The following SNTB1 variants were observed in gnomAD, a reference collection of about 807,000 sequenced individuals.
SNTB1 encodes syntrophin beta 1, also known as beta-1-syntrophin.
Under a neutral mutation model 48.9 loss-of-function variants are expected in SNTB1, and 36 were observed. That is an observed-to-expected ratio of 0.74 (90% CI 0.56 to 0.97). The LOEUF is 0.97. Among genes scored for constraint, SNTB1 ranks in the 50% least tolerant of loss-of-function variants. The pLI, the probability that SNTB1 is intolerant of heterozygous loss-of-function variation, is 0.00. For synonymous variants in SNTB1, 299 were observed against 294.6 expected (o/e 1.01, Z -0.15); for missense variants, 786 against 703.4 (o/e 1.12, Z -1.33).
chr8:120,590,015 C>A (rs893507386), intron 3 of SNTB1, among the ~76,000 whole-genome samples: 3 of 152,176 alleles, frequency 2.0e-5, no homozygotes, highest in African/African-American at 7.2e-5. Flanking sequence ...CCTCCTCTAA[C>A]AATTCCAACA....
At chr8:120,808,361 A>G (rs1286307260) in intron 1 of SNTB1, among the ~76,000 whole-genome samples, 2 of 152,174 alleles carry the variant, frequency 1.3e-5, no homozygotes, top group African/African-American at 4.8e-5. Flanking sequence ...AATGTTAGCT[A>G]TTGTTATGAT....
At chr8:120,673,308 T>C (rs996286712) in intron 2 of SNTB1, among the ~76,000 whole-genome samples, 1 of 150,428 alleles carries the variant, frequency 6.6e-6, no homozygotes, top group African/African-American at 2.5e-5. Context: ...TTTTTTTTTT[T>C]GAGACCAAAT....
At chr8:120,800,143 C>G (rs1420564307) in intron 1 of SNTB1, among the ~76,000 whole-genome samples, 1 of 151,900 alleles carries the variant, frequency 6.6e-6, no homozygotes, top group East Asian at 1.9e-4. Flanking sequence ...CTTGGGGCAC[C>G]CTATGTACCC....
At chr8:120,708,785 G>C (rs181957626) in intron 1 of SNTB1, among the ~76,000 whole-genome samples, 182 of 152,218 alleles carry the variant, frequency 1.2e-3, no homozygotes, top group African/African-American at 4.3e-3. Flanking sequence ...AACAAAAGAA[G>C]CCCTTAGTAA....
chr8:120,584,701 C>T (rs2130699809), intron 3 of SNTB1, among the ~76,000 whole-genome samples: 1 of 152,166 alleles, frequency 6.6e-6, no homozygotes, highest in East Asian at 1.9e-4. Flanking sequence ...ACCCCAGTAC[C>T]TCAGAATGTG....
At chr8:120,794,235 T>C (rs1200469945) in intron 1 of SNTB1, among the ~76,000 whole-genome samples, 1 of 152,050 alleles carries the variant, frequency 6.6e-6, no homozygotes, top group African/African-American at 2.4e-5. Context: ...TCCAGTAACT[T>C]GGAATGGAGC....
At chr8:120,741,848 G>A (rs1196473654) in intron 1 of SNTB1, among the ~76,000 whole-genome samples, 1 of 152,200 alleles carries the variant, frequency 6.6e-6, no homozygotes, top group Non-Finnish European at 1.5e-5. Flanking sequence ...AGAAGAAGGA[G>A]AAATAGAGAA....
At chr8:120,713,081 G>T (rs6997888) in intron 1 of SNTB1, among the ~76,000 whole-genome samples, 2,493 of 152,204 alleles carry the variant, frequency 0.016, 73 homozygotes, top group African/African-American at 0.057. Flanking sequence ...AATTGTTTTA[G>T]AGTGGAAAAA....
chr8:120,668,673 T>C (rs1171654871), intron 2 of SNTB1, among the ~76,000 whole-genome samples: 2 of 152,318 alleles, frequency 1.3e-5, no homozygotes, highest in South Asian at 2.1e-4. Flanking sequence ...GGACCAATTA[T>C]AGGGTCTGTA....
At chr8:120,664,595 C>A (rs891077388) in intron 2 of SNTB1, among the ~76,000 whole-genome samples, 1 of 152,182 alleles carries the variant, frequency 6.6e-6, no homozygotes, top group Admixed American at 6.5e-5. Flanking sequence ...CATGTTGTAG[C>A]ATGTATCAAT....
At chr8:120,683,612 A>T (rs933437349) in intron 2 of SNTB1, among the ~76,000 whole-genome samples, 1 of 152,126 alleles carries the variant, frequency 6.6e-6, no homozygotes, top group Non-Finnish European at 1.5e-5. Context: ...GAATTTGACA[A>T]ATAAAAGATA....
intron 1 of SNTB1, among the ~76,000 whole-genome samples, chr8:120,772,815 A>G (rs976948883): frequency 8.5e-5 from 13 of 152,164 alleles, no homozygotes; most frequent in African/African-American, 2.9e-4. Context: ...TCAAGGCTGG[A>G]GGGGCCCTTG....
chr8:120,579,130 T>C (rs1587005222), intron 3 of SNTB1, among the ~76,000 whole-genome samples: 1 of 152,074 alleles, frequency 6.6e-6, no homozygotes, highest in Admixed American at 6.6e-5. Context: ...TGAGCCAAGA[T>C]CGCGCCATTG....
At chr8:120,689,191 A>G (rs1314327463) in intron 2 of SNTB1, among the ~76,000 whole-genome samples, 1 of 152,198 alleles carries the variant, frequency 6.6e-6, no homozygotes, top group African/African-American at 2.4e-5. Flanking sequence ...GAAATTGAAC[A>G]TTAGAGTTTT....
intron 1 of SNTB1, among the ~76,000 whole-genome samples, chr8:120,798,213 C>T (rs924574257): frequency 4.6e-5 from 7 of 151,914 alleles, no homozygotes; most frequent in Admixed American, 2.0e-4. Context: ...TTTAAACCTT[C>T]TAAGGCCCCA....
intron 3 of SNTB1, among the ~76,000 whole-genome samples, chr8:120,613,584 A>G (rs933966967): frequency 6.6e-6 from 1 of 152,198 alleles, no homozygotes; most frequent in African/African-American, 2.4e-5. Flanking sequence ...CAGTAATGTC[A>G]TGTACTACAA....
intron 3 of SNTB1, among the ~76,000 whole-genome samples, chr8:120,592,495 T>A (rs1049174995): frequency 6.6e-5 from 10 of 152,166 alleles, no homozygotes; most frequent in Non-Finnish European, 1.3e-4. Context: ...GAGAATTTTT[T>A]AAAAAATTCA....
intron 4 of SNTB1, among the ~76,000 whole-genome samples, chr8:120,567,299 C>T (rs1394934791): frequency 1.3e-5 from 2 of 152,146 alleles, no homozygotes; most frequent in African/African-American, 4.8e-5. Context: ...TAATAAACAG[C>T]CAGGTAATTC....
intron 3 of SNTB1, among the ~76,000 whole-genome samples, chr8:120,622,591 C>T (rs1405197252): frequency 1.3e-5 from 2 of 151,896 alleles, no homozygotes; most frequent in Non-Finnish European, 2.9e-5. Context: ...ATGTGAGGGA[C>T]AAGGGAGCAA....
Sources: allele counts gnomAD v4.1 joint callset (sites outside exome capture counted in the v4.1 genomes callset), GRCh38; gene constraint gnomAD v4.1.1; transcripts MANE v1.5; gene names NCBI Gene and HGNC (gene_info 2026-07-23, HGNC 2026-07-21).